CRYL1: variants seen among roughly 807,000 people sequenced by gnomAD.
CRYL1 encodes crystallin lambda 1.
CRYL1 carries 29 observed loss-of-function variants against 36.6 expected under a neutral mutation model. The ratio of observed to expected loss-of-function variants is 0.79; its 90% CI spans 0.59 to 1.08. The LOEUF is 1.08. Among genes scored for constraint, CRYL1 ranks in the 50% least tolerant of loss-of-function variants. The pLI, the probability that CRYL1 is intolerant of heterozygous loss-of-function variation, is 0.00. For missense variants in CRYL1, 411 were observed against 407.9 expected (o/e 1.01, Z -0.06); for synonymous variants, 152 against 151.5 (o/e 1.00, Z -0.02).
intron 3 of CRYL1, among the ~76,000 whole-genome samples, chr13:20,470,256 G>A (rs557170367): frequency 1.6e-4 from 25 of 152,286 alleles, no homozygotes; most frequent in Middle Eastern, 6.8e-3. Context: ...GCCTGGCCCC[G>A]GGTGCAAGTT....
chr13:20,415,643 C>T lies in CRYL1; in HGVS notation c.634-2256G>A, dbSNP rs57814416. Among the ~76,000 whole-genome samples the T allele has an allele frequency of 0.018, 2,692 of 152,300 alleles. 78 individuals carry two copies. Among genetic ancestry groups the T allele is most frequent in the African/African-American group, 0.06 (2,483 of 41,562 alleles). ...CACAAGCATATCGAGGCTGAACAAG[C>T]CACAGTCCACGTTTCCAGGAGAATT... On this transcript the variant is annotated intron_variant, in intron 5 of 7. Transcript: ENST00000298248. This position sits in a 1 kb window ranked among gnomAD's most constrained non-coding sequence, Gnocchi z 4.1.
Position 20,415,090 on chromosome 13 carries a change from A to G in CRYL1, c.634-1703T>C, listed in dbSNP as rs374114087. ...GGGCGGGCCCGCCTGCCCTCGGCTGAGCCCGGTTTCCCTACCCCGGGGCAC... is the reference window on the plus strand; with the variant it reads ...GGGCGGGCCCGCCTGCCCTCGGCTGGGCCCGGTTTCCCTACCCCGGGGCAC... On this transcript the variant is annotated intron_variant, in intron 5 of 7. Coordinates refer to ENST00000298248, the MANE Select transcript of CRYL1 (RefSeq NM_015974.3). The surrounding 1 kb of genome is among the most constrained non-coding windows in gnomAD (Gnocchi z 4.1). Among the ~76,000 whole-genome samples the G allele has an allele frequency of 2.0e-5, 3 of 152,140 alleles. No homozygotes were observed. The highest frequency in any genetic ancestry group is 3.9e-4 in the East Asian group (2 of 5,138).
chr13:20,439,522 A>AAAAAAG, intron 4 of CRYL1, 71 bp downstream of exon 4: 5 of 937,868 alleles, frequency 5.3e-6, no homozygotes, highest in Admixed American at 6.0e-5. Flanking sequence ...CGCAAAAAAA[A>AAAAAAG]AAAAAAAAGA....
chr13:20,465,385 T>C (rs1346940254), intron 3 of CRYL1, among the ~76,000 whole-genome samples: 1 of 152,076 alleles, frequency 6.6e-6, no homozygotes, highest in African/African-American at 2.4e-5. Context: ...AATAACAAAC[T>C]TTAAGCAATG....
At chr13:20,490,254 T>A (rs549415637) in intron 2 of CRYL1, among the ~76,000 whole-genome samples, 1 of 152,164 alleles carries the variant, frequency 6.6e-6, no homozygotes, top group African/African-American at 2.4e-5. Context: ...TAGCTTGGCA[T>A]TGTGCCGCGT....
chr13:20,522,812 C>T (rs1317570507), intron 1 of CRYL1, among the ~76,000 whole-genome samples: 1 of 150,370 alleles, frequency 6.7e-6, no homozygotes, highest in Non-Finnish European at 1.5e-5. Flanking sequence ...CATATTTTAG[C>T]GATTTAGAAA....
chr13:20,450,181 C>A (rs2032539397), intron 3 of CRYL1, among the ~76,000 whole-genome samples: 1 of 152,174 alleles, frequency 6.6e-6, no homozygotes, highest in South Asian at 2.1e-4. Flanking sequence ...TATTATCTGA[C>A]TTCAAATTAT....
At chr13:20,522,500 T>C (rs949997109) in intron 1 of CRYL1, among the ~76,000 whole-genome samples, 7 of 152,206 alleles carry the variant, frequency 4.6e-5, no homozygotes, top group Non-Finnish European at 7.3e-5. Context: ...AAGCCCTTCA[T>C]AGGGCACATC....
At chr13:20,464,138 A>T (rs1175998907) in intron 3 of CRYL1, among the ~76,000 whole-genome samples, 2 of 152,262 alleles carry the variant, frequency 1.3e-5, no homozygotes, top group Non-Finnish European at 2.9e-5. Flanking sequence ...GCAAAAATAT[A>T]AACATTTCCA....
At chr13:20,479,895 C>T (rs570946809) in intron 3 of CRYL1, among the ~76,000 whole-genome samples, 1 of 152,266 alleles carries the variant, frequency 6.6e-6, no homozygotes, top group African/African-American at 2.4e-5. Flanking sequence ...GCTGCCCCTG[C>T]GCTCTCCCAC....
chr13:20,443,670 G>A (rs2032395662), intron 3 of CRYL1, among the ~76,000 whole-genome samples: 1 of 152,100 alleles, frequency 6.6e-6, no homozygotes, highest in African/African-American at 2.4e-5. Flanking sequence ...TGGGATTACA[G>A]GTGTAAGCCA....
rs556618498 is a variant in CRYL1, at chr13:20,411,990, A to C, written c.739+1292T>G. On this transcript the variant is annotated intron_variant, in intron 6 of 7. Coordinates refer to ENST00000298248, the MANE Select transcript of CRYL1 (RefSeq NM_015974.3). ...TGTGAAAATTGACTGAACTATTACC[A>C]AAATGTAATACTGAAATTATAGAAC... 2.0e-5 allele frequency among the ~76,000 whole-genome samples: 3 copies of C among 152,348 alleles called. No individual in the cohort carries two copies. The East Asian group carries it at 5.8e-4, about 29-fold the overall frequency.
rs1219743800 is a variant in CRYL1, at chr13:20,508,541, G to A, written c.149+3902C>T. Among the ~76,000 whole-genome samples, 3 of 151,942 alleles carry A rather than the reference G, an allele frequency of 2.0e-5. No homozygotes were observed. In the South Asian group the frequency reaches 6.2e-4, roughly 31 times the overall value. On this transcript the variant is annotated intron_variant, in intron 2 of 7. Coordinates refer to ENST00000298248, the MANE Select transcript of CRYL1 (RefSeq NM_015974.3). ...TTAAGCTGTTTGTGTTACATTTCCTGTGATGCCTTTTAAAAACATTTTGGG... is the reference window on the plus strand; with the variant it reads ...TTAAGCTGTTTGTGTTACATTTCCTATGATGCCTTTTAAAAACATTTTGGG...
chr13:20,478,520 G>A (rs974733226), intron 3 of CRYL1, among the ~76,000 whole-genome samples: 11 of 152,304 alleles, frequency 7.2e-5, no homozygotes, highest in Admixed American at 1.3e-4. Context: ...CTATCACCCA[G>A]GCTGGAGTAC....
At chr13:20,441,242 G>A (rs1240504718) in intron 3 of CRYL1, among the ~76,000 whole-genome samples, 1 of 152,154 alleles carries the variant, frequency 6.6e-6, no homozygotes, top group African/African-American at 2.4e-5. Context: ...GGCGTGTCTT[G>A]TTAAAAATGC....
intron 3 of CRYL1, among the ~76,000 whole-genome samples, chr13:20,470,922 A>C (rs962008133): frequency 2.6e-4 from 39 of 150,304 alleles, no homozygotes; most frequent in African/African-American, 7.4e-4. Flanking sequence ...AAAAAAAAAA[A>C]AAAACAAAAA....
intron 1 of CRYL1, chr13:20,513,773 C>T (rs1413644406): frequency 1.3e-5 from 2 of 152,056 alleles, no homozygotes; most frequent in African/African-American, 4.8e-5. Flanking sequence ...ATCTAGAGTC[C>T]AAGTCTTGGT....
intron 2 of CRYL1, 98 bp downstream of exon 2, chr13:20,512,345 C>T: frequency 1.2e-6 from 1 of 835,534 alleles, no homozygotes; most frequent in East Asian, 2.7e-5. Context: ...GAAAATGTGA[C>T]ATCACAGATC....
intron 6 of CRYL1, among the ~76,000 whole-genome samples, chr13:20,408,019 T>C (rs1315229571): frequency 6.6e-6 from 1 of 152,244 alleles, no homozygotes; most frequent in Non-Finnish European, 1.5e-5. Flanking sequence ...TCCGGTTTTC[T>C]TTCACGCAGC....
Sources: gnomAD v4.1 joint callset for allele counts (sites outside exome capture counted in the v4.1 genomes callset) on GRCh38, gnomAD v4.1.1 for gene constraint, Gnocchi (gnomAD v3.1) non-coding constraint, MANE v1.5 for transcripts, NCBI Gene and HGNC (gene_info 2026-07-23, HGNC 2026-07-21) for gene names.